Variants in NECAB1 observed in about 807,000 individuals in gnomAD.
NECAB1 encodes N-terminal EF-hand calcium-binding protein 1.
NECAB1 carries 29 observed loss-of-function variants against 57.5 expected under a neutral mutation model. That is an observed-to-expected ratio of 0.50 (90% CI 0.38 to 0.69). The LOEUF is 0.69. Among genes scored for constraint, NECAB1 ranks in the 30% least tolerant of loss-of-function variants. The probability of loss-of-function intolerance (pLI) is 0.00; values close to 1 mark genes in which losing one functional copy is unlikely to be tolerated. For synonymous variants in NECAB1, 142 were observed against 147.7 expected (o/e 0.96, Z 0.28); for missense variants, 372 against 413.8 (o/e 0.90, Z 0.88).
chr8:90,809,911 G>C lies in NECAB1; in HGVS notation c.124+8196G>C, dbSNP rs1279415087. Among the ~76,000 whole-genome samples the C allele has an allele frequency of 3.3e-5, 5 of 152,242 alleles. No individual in the cohort carries two copies. In the East Asian group the frequency reaches 5.8e-4, roughly 18 times the overall value. The stretch of plus-strand genomic sequence containing the variant: ...TTAGACTTTACAAGAAAATATTACA[G>C]TAATAACAGTAAACAATCTTATTAA... On this transcript the variant is annotated intron_variant, in intron 2 of 12. Transcript: ENST00000417640.
chr8:90,820,806 G>T (rs1207699109), intron 2 of NECAB1, among the ~76,000 whole-genome samples: 1 of 151,240 alleles, frequency 6.6e-6, no homozygotes, highest in African/African-American at 2.4e-5. Flanking sequence ...ATTTTTCAAG[G>T]AATAGTAGAA....
chr8:90,813,025 A>G (rs892152701), intron 2 of NECAB1: 2 of 152,158 alleles, frequency 1.3e-5, no homozygotes, highest in African/African-American at 4.8e-5. Context: ...CGTCTCTACT[A>G]AAAATACAAA....
chr8:90,884,143 C>T (rs2129897444), intron 5 of NECAB1, among the ~76,000 whole-genome samples: 1 of 152,182 alleles, frequency 6.6e-6, no homozygotes, highest in East Asian at 1.9e-4. Flanking sequence ...ATTTTTTCTT[C>T]TGACAGTTAT....
chr8:90,937,037 A>C (rs753564326), intron 9 of NECAB1, among the ~76,000 whole-genome samples: 1 of 152,170 alleles, frequency 6.6e-6, no homozygotes, highest in Non-Finnish European at 1.5e-5. Context: ...CTGCTCTTGA[A>C]GAAGAAGGAA....
chr8:90,853,552 C>T (rs559820779), intron 3 of NECAB1, among the ~76,000 whole-genome samples: 8 of 152,180 alleles, frequency 5.3e-5, no homozygotes, highest in Admixed American at 2.0e-4. Flanking sequence ...CTCACTAATA[C>T]TTCTTAGAGT....
chr8:90,795,569 C>T (rs533659825), intron 1 of NECAB1, among the ~76,000 whole-genome samples: 1 of 152,300 alleles, frequency 6.6e-6, no homozygotes, highest in African/African-American at 2.4e-5. Flanking sequence ...ACACTTAATT[C>T]TGAAGCCCCA....
chr8:90,880,119 T>C (rs1808809949), intron 4 of NECAB1, among the ~76,000 whole-genome samples: 1 of 152,194 alleles, frequency 6.6e-6, no homozygotes, highest in Admixed American at 6.5e-5. Flanking sequence ...GCGGTTTCCA[T>C]CAAACATGCT....
chr8:90,931,628 G>A (rs1810406217), intron 8 of NECAB1, among the ~76,000 whole-genome samples: 1 of 152,216 alleles, frequency 6.6e-6, no homozygotes. Flanking sequence ...TAATGGCTGG[G>A]TGCAGTGGCT....
intron 12 of NECAB1, among the ~76,000 whole-genome samples, chr8:90,952,519 C>T (rs1563547985): frequency 6.6e-6 from 1 of 152,142 alleles, no homozygotes; most frequent in African/African-American, 2.4e-5. Context: ...TGGCTCACGC[C>T]TGTAATCCCA....
chr8:90,943,028 G>C (rs1467728293), intron 10 of NECAB1, among the ~76,000 whole-genome samples: 1 of 149,408 alleles, frequency 6.7e-6, no homozygotes, highest in Admixed American at 6.6e-5. Flanking sequence ...GGGATTGAGT[G>C]CATGTTTTAT....
intron 10 of NECAB1, among the ~76,000 whole-genome samples, chr8:90,943,492 C>G (rs562861566): frequency 6.6e-6 from 1 of 152,302 alleles, no homozygotes; most frequent in East Asian, 1.9e-4. Flanking sequence ...TGTCTACATT[C>G]AATTTTTCAG....
At chr8:90,952,898 T>G (rs1002168973) in intron 12 of NECAB1, among the ~76,000 whole-genome samples, 3 of 152,152 alleles carry the variant, frequency 2.0e-5, no homozygotes, top group African/African-American at 7.2e-5. Flanking sequence ...GAAAGTGAGA[T>G]CCACATTTTA....
At chr8:90,902,643 A>G (rs968603311) in intron 5 of NECAB1, among the ~76,000 whole-genome samples, 6 of 152,180 alleles carry the variant, frequency 3.9e-5, no homozygotes, top group African/African-American at 1.4e-4. Flanking sequence ...AATTAAATTG[A>G]CAATAAAACA....
chr8:90,874,941 A>C (rs1808687302), intron 4 of NECAB1, among the ~76,000 whole-genome samples: 1 of 124,458 alleles, frequency 8.0e-6, no homozygotes, highest in African/African-American at 3.8e-5. Flanking sequence ...AGGCCTTCCT[A>C]AATGCATTTT....
chr8:90,934,843 A>G (rs1376181185), intron 9 of NECAB1, among the ~76,000 whole-genome samples: 2 of 152,188 alleles, frequency 1.3e-5, no homozygotes, highest in African/African-American at 4.8e-5. Context: ...CCTAGGGACA[A>G]GATGTCCATC....
intron 2 of NECAB1, among the ~76,000 whole-genome samples, chr8:90,805,681 T>A (rs967725828): frequency 6.6e-6 from 1 of 151,938 alleles, no homozygotes; most frequent in Admixed American, 6.6e-5. Flanking sequence ...ATGGAAATGA[T>A]ACATGGGTAT....
chr8:90,838,216 A>G (rs1329606419), intron 3 of NECAB1, among the ~76,000 whole-genome samples: 1 of 152,208 alleles, frequency 6.6e-6, no homozygotes, highest in Non-Finnish European at 1.5e-5. Context: ...AGGTTCTTGG[A>G]AACTGAGACT....
chr8:90,849,127 A>G (rs1162345972), intron 3 of NECAB1, among the ~76,000 whole-genome samples: 1 of 152,170 alleles, frequency 6.6e-6, no homozygotes, highest in Non-Finnish European at 1.5e-5. Context: ...CAGCTAAACC[A>G]TATCAGACAG....
At chr8:90,808,636 T>G (rs990823345) in intron 2 of NECAB1, among the ~76,000 whole-genome samples, 9 of 137,580 alleles carry the variant, frequency 6.5e-5, no homozygotes, top group Admixed American at 5.4e-4. Flanking sequence ...CCTTTTTTTC[T>G]TTTCTTTTTT....
Sources: gnomAD v4.1 joint callset for allele counts (sites outside exome capture counted in the v4.1 genomes callset) on GRCh38, gnomAD v4.1.1 for gene constraint, MANE v1.5 for transcripts, NCBI Gene and HGNC (gene_info 2026-07-23, HGNC 2026-07-21) for gene names.